SMPDL3B: variants seen among roughly 807,000 people sequenced by gnomAD.
SMPDL3B encodes acid sphingomyelinase-like phosphodiesterase 3b.
Under a neutral mutation model 37.9 loss-of-function variants are expected in SMPDL3B, and 31 were observed. The observed-to-expected ratio is 0.82, with a 90% CI of 0.61 to 1.10. The LOEUF is 1.10. Among genes scored for constraint, SMPDL3B ranks in the 50% least tolerant of loss-of-function variants. The pLI, the probability that SMPDL3B is intolerant of heterozygous loss-of-function variation, is 0.00. For synonymous variants in SMPDL3B, 235 were observed against 242.6 expected, an observed-to-expected ratio of 0.97 and a Z score of 0.29; for missense variants, 525 against 597.8, an observed-to-expected ratio of 0.88 and a Z score of 1.27.
rs760977995 is a variant in SMPDL3B at position 27,956,053 on chromosome 1, G to A, written c.976G>A (p.Glu326Lys). The A allele has an allele frequency of 2.4e-5, 39 of 1,613,986 alleles. No homozygotes were observed. Among genetic ancestry groups the A allele is most frequent in the Middle Eastern group, 1.6e-4 (1 of 6,084 alleles). ...CAACAATCCAGCCATCCGGGTGTTC[G>A]AATATGACCGAGCCACACTGAGCCT... ...GANNPAIRVF[E>K]YDRATLSLKD... The change falls in exon 7 of 8, where the codon GAA becomes AAA. Residue 326 changes from glutamate (E) to lysine (K), a missense_variant. By Grantham distance (56) the Glu-to-Lys change is moderately conservative. Transcript: ENST00000373894.
intron 1 of SMPDL3B, among the ~76,000 whole-genome samples, chr1:27,942,896 A>C (rs1294029450): frequency 6.6e-6 from 1 of 151,700 alleles, no homozygotes. Flanking sequence ...TCCTGGCCTC[A>C]AGCAATCTTC....
intron 1 of SMPDL3B, chr1:27,941,453 A>G (rs953844692): frequency 6.6e-6 from 1 of 152,280 alleles, no homozygotes; most frequent in African/African-American, 2.4e-5. Context: ...GTGCATTTGC[A>G]CGTCTTCCAC....
In SMPDL3B at chr1:27,944,690, A is replaced by T. The variant is rs557598138; in HGVS notation, c.62-542A>T. ...ATTGCTTAGCAAGGTTTTCCAGCTC[A>T]TTTGGTGTGTAAGCCTTTTCCATCC... On this transcript the variant is annotated intron_variant, in intron 1 of 7. Transcript: ENST00000373894. 4.7e-5 allele frequency among the ~76,000 whole-genome samples: 7 copies of T among 149,640 alleles called. No individual in the cohort carries two copies. The South Asian group carries it at 1.5e-3, about 32-fold the overall frequency.
intron 3 of SMPDL3B, among the ~76,000 whole-genome samples, chr1:27,950,355 G>A (rs1040628403): frequency 5.9e-5 from 9 of 152,188 alleles, no homozygotes; most frequent in Non-Finnish European, 1.0e-4. Flanking sequence ...AGTCGGTTCC[G>A]AGGGAGGGAC....
chr1:27,937,934 C>G (rs548697900), intron 1 of SMPDL3B, among the ~76,000 whole-genome samples: 2 of 152,186 alleles, frequency 1.3e-5, no homozygotes, highest in Non-Finnish European at 2.9e-5. Context: ...GCAATGGCAA[C>G]ACCCAGGAGT....
intron 3 of SMPDL3B, among the ~76,000 whole-genome samples, chr1:27,949,475 G>A (rs1019398291): frequency 2.0e-5 from 3 of 152,170 alleles, no homozygotes; most frequent in African/African-American, 7.2e-5. Context: ...CACAGGTGTC[G>A]TCCCTGGGTG....
At position 27,943,272 on chromosome 1, in the gene SMPDL3B, C is replaced by CAT. The variant is rs900660720; in HGVS notation, c.62-1959_62-1958dup. Among the ~76,000 whole-genome samples the CAT allele has an allele frequency of 5.3e-4, 81 of 152,146 alleles. 1 individual carries two copies. The highest frequency in any genetic ancestry group is 1.9e-3 in the African/African-American group (79 of 41,410). The stretch of plus-strand genomic sequence containing the variant: ...CTCTGCGGAGAACACTGTAACAATG[C>CAT]ATGTGGGAGGGATAATGATTTGCTT... On this transcript the variant is annotated intron_variant, in intron 1 of 7. Coordinates refer to ENST00000373894, the MANE Select transcript of SMPDL3B (RefSeq NM_014474.4).
intron 2 of SMPDL3B, among the ~76,000 whole-genome samples, chr1:27,946,943 AG>A (rs2090413659): frequency 6.6e-6 from 1 of 152,012 alleles, no homozygotes; most frequent in African/African-American, 2.4e-5. Flanking sequence ...TGCTCCCTTG[AG>A]GGGAGCTTCT....
intron 1 of SMPDL3B, among the ~76,000 whole-genome samples, chr1:27,942,979 T>C (rs1027831527): frequency 1.6e-4 from 24 of 152,196 alleles, no homozygotes; most frequent in African/African-American, 5.8e-4. Flanking sequence ...AGGAATATAT[T>C]AGTGATCACA....
chr1:27,937,824 G>A (rs1233982981), intron 1 of SMPDL3B, among the ~76,000 whole-genome samples: 1 of 152,172 alleles, frequency 6.6e-6, no homozygotes, highest in Admixed American at 6.5e-5. Context: ...TCCAGAGGCA[G>A]GGCTTTGACA....
In SMPDL3B at chr1:27,945,381, A is replaced by G. The variant is rs377660078; in HGVS notation, c.211A>G (p.Ile71Val). 2.9e-5 allele frequency: 46 copies of G among 1,613,992 alleles called. No individual in the cohort carries two copies. Among genetic ancestry groups the G allele is most frequent in the Non-Finnish European group, 3.7e-5 (44 of 1,180,032 alleles). The change falls in exon 2 of 8, where the codon ATC becomes GTC. Residue 71 changes from isoleucine (I) to valine (V), a missense_variant. Coordinates refer to ENST00000373894, the MANE Select transcript of SMPDL3B (RefSeq NM_014474.4). The surrounding 1 kb of genome is among the most constrained non-coding windows in gnomAD (Gnocchi z 4.0). Reference sequence around the variant, plus strand: ...CCTCTGTGATTCTCCCTGGGCCCTCATCAACTCCTCCATCTATGCCATGAA... The same window carrying G: ...CCTCTGTGATTCTCCCTGGGCCCTCGTCAACTCCTCCATCTATGCCATGAA... ...DYLCDSPWAL[I>V]NSSIYAMKEI... is the part of the protein sequence containing the mutation.
At chr1:27,952,001 C>CT (rs1488064791) in intron 3 of SMPDL3B, among the ~76,000 whole-genome samples, 80 of 152,288 alleles carry the variant, frequency 5.3e-4, no homozygotes, top group African/African-American at 1.9e-3. Flanking sequence ...AGTCAATCAA[C>CT]AAATAGTTAT....
rs376839892 is a variant in SMPDL3B, at chr1:27,953,218, C to A, written c.377C>A (p.Thr126Asn). 2 of 1,610,394 alleles carry A rather than the reference C, an allele frequency of 1.2e-6. No homozygotes were observed. The highest frequency in any genetic ancestry group is 2.7e-5 in the African/African-American group (2 of 74,672). The change falls in exon 4 of 8, where the codon ACT (threonine) becomes AAT (asparagine). Residue 126 changes from threonine to asparagine, a missense_variant. Physicochemically the swap from Thr to Asn is moderately conservative, Grantham distance 65. Transcript: ENST00000373894. ...TKLIREVFPD[T>N]KVYAALGNHD... The stretch of plus-strand genomic sequence containing the variant: ...ATATTTCACCCTTTCTTCCTAGATA[C>A]TAAAGTCTATGCTGCTTTGGGAAAT...
rs531276375 is a variant in SMPDL3B at position 27,945,061 on chromosome 1, T to A, written c.62-171T>A. ...CCTGTTCTGTGCTCTGCTCAATGTG[T>A]CCCTGGGCAGAGCCAGGCCTGTGGG... On this transcript the variant is annotated intron_variant, in intron 1 of 7. Coordinates refer to ENST00000373894, the MANE Select transcript of SMPDL3B (RefSeq NM_014474.4). This position sits in a 1 kb window ranked among gnomAD's most constrained non-coding sequence, Gnocchi z 4.0. Among the ~76,000 whole-genome samples, 1 of 152,302 alleles carries A rather than the reference T, an allele frequency of 6.6e-6. No homozygotes were observed. The highest frequency in any genetic ancestry group is 2.1e-4 in the South Asian group (1 of 4,824).
At chr1:27,957,245 G>A (rs1638317255) in intron 7 of SMPDL3B, among the ~76,000 whole-genome samples, 1 of 152,182 alleles carries the variant, frequency 6.6e-6, no homozygotes, top group Non-Finnish European at 1.5e-5. Context: ...ATAGTAGCTT[G>A]CCCAGGGTGG....
chr1:27,945,152 G>A lies in SMPDL3B; in HGVS notation c.62-80G>A. 2 of 1,427,110 alleles carry A rather than the reference G, an allele frequency of 1.4e-6. No homozygotes were observed. Among genetic ancestry groups the A allele is most frequent in the East Asian group, 2.3e-5 (1 of 43,780 alleles). 88.4% of individuals were successfully genotyped at this position (1,427,110 alleles called of 1,614,324 possible). On this transcript the variant is annotated intron_variant, in intron 1 of 7. Coordinates refer to ENST00000373894, the MANE Select transcript of SMPDL3B (RefSeq NM_014474.4). The surrounding 1 kb of genome is among the most constrained non-coding windows in gnomAD (Gnocchi z 4.0). The stretch of plus-strand genomic sequence containing the variant: ...TTGCCTGTGTAACGCCCCTGCCCCA[G>A]CCCAGGGCTCCCCTGGACTTCCTTG...
intron 1 of SMPDL3B, among the ~76,000 whole-genome samples, chr1:27,940,981 G>T (rs1246820898): frequency 1.3e-5 from 2 of 152,170 alleles, no homozygotes; most frequent in East Asian, 3.9e-4. Flanking sequence ...TGAGAGGCAG[G>T]CCAGATGTCA....
chr1:27,956,573 C>T, intron 7 of SMPDL3B: 1 of 815,776 alleles, frequency 1.2e-6, no homozygotes, highest in East Asian at 1.0e-4. Context: ...GGCAGTCCCT[C>T]ACCTCGTAGG....
intron 7 of SMPDL3B, 69 bp downstream of exon 7, chr1:27,956,151 C>G (rs775883543): frequency 1.2e-6 from 2 of 1,613,662 alleles, no homozygotes; most frequent in East Asian, 4.5e-5. Context: ...CCTTCCCTCA[C>G]TCTCAGCTTA....
Sources: allele counts gnomAD v4.1 joint callset (sites outside exome capture counted in the v4.1 genomes callset), GRCh38; gene constraint gnomAD v4.1.1; non-coding constraint Gnocchi (gnomAD v3.1); transcripts MANE v1.5; gene names NCBI Gene and HGNC (gene_info 2026-07-23, HGNC 2026-07-21).